Variants in FARS2 observed in about 807,000 individuals in gnomAD.
FARS2 encodes phenylalanine--tRNA ligase, mitochondrial.
Under a neutral mutation model 46.4 loss-of-function variants are expected in FARS2, and 40 were observed. The ratio of observed to expected loss-of-function variants is 0.86; its 90% confidence interval spans 0.67 to 1.12. FARS2 has a LOEUF of 1.12. Among genes scored for constraint, FARS2 ranks in the 50% most tolerant of loss-of-function variants. FARS2 has a pLI of 0.00. For missense variants in FARS2, 513 were observed against 567.9 expected, an observed-to-expected ratio of 0.90 and a Z score of 0.98; for synonymous variants, 234 against 214.9, an observed-to-expected ratio of 1.09 and a Z score of -0.78.
intron 1 of FARS2, among the ~76,000 whole-genome samples, chr6:5,299,205 C>T (rs907466115): frequency 2.0e-5 from 3 of 152,232 alleles, no homozygotes; most frequent in Non-Finnish European, 4.4e-5. Context: ...ACTATGTAGA[C>T]ATCTGTGCTG....
chr6:5,426,010 G>C (rs910174001), intron 3 of FARS2, among the ~76,000 whole-genome samples: 3 of 152,016 alleles, frequency 2.0e-5, no homozygotes, highest in Admixed American at 6.6e-5. Context: ...GCTGAGGCTT[G>C]AACCCAGGTG....
At chr6:5,753,729 A>G (rs1762067601) in intron 6 of FARS2, among the ~76,000 whole-genome samples, 1 of 152,200 alleles carries the variant, frequency 6.6e-6, no homozygotes, top group Non-Finnish European at 1.5e-5. Flanking sequence ...GACAAAACCA[A>G]ACAGGATCAT....
intron 6 of FARS2, among the ~76,000 whole-genome samples, chr6:5,653,448 G>C (rs1229151939): frequency 6.6e-6 from 1 of 152,202 alleles, no homozygotes; most frequent in Non-Finnish European, 1.5e-5. Context: ...TACATGGAAG[G>C]CGTTGGACCA....
intron 6 of FARS2, among the ~76,000 whole-genome samples, chr6:5,715,436 C>G (rs993957542): frequency 8.5e-5 from 13 of 152,330 alleles, no homozygotes; most frequent in African/African-American, 3.1e-4. Flanking sequence ...CCCAAGACCC[C>G]TCAGCAATCA....
At chr6:5,443,644 G>A (rs1285330130) in intron 4 of FARS2, among the ~76,000 whole-genome samples, 1 of 152,304 alleles carries the variant, frequency 6.6e-6, no homozygotes, top group Non-Finnish European at 1.5e-5. Context: ...CAACCTCAGG[G>A]CCTGGAGCCC....
intron 6 of FARS2, among the ~76,000 whole-genome samples, chr6:5,670,750 GCA>G (rs1778412447): frequency 6.6e-6 from 1 of 151,930 alleles, no homozygotes; most frequent in Non-Finnish European, 1.5e-5. Flanking sequence ...TTTTAAATAA[GCA>G]CACTTTTTAA....
At chr6:5,595,395 C>T (rs1774143286) in intron 5 of FARS2, among the ~76,000 whole-genome samples, 1 of 152,194 alleles carries the variant, frequency 6.6e-6, no homozygotes, top group Non-Finnish European at 1.5e-5. Context: ...CTTCTGTCGG[C>T]ATTCTCTGAT....
chr6:5,493,963 C>T (rs989141742), intron 4 of FARS2, among the ~76,000 whole-genome samples: 1 of 152,136 alleles, frequency 6.6e-6, no homozygotes, highest in Non-Finnish European at 1.5e-5. Context: ...ACACAGTGGA[C>T]AGTGTCATGT....
intron 1 of FARS2, among the ~76,000 whole-genome samples, chr6:5,279,686 T>TG (rs1180149672): frequency 5.9e-5 from 9 of 151,842 alleles, no homozygotes. Flanking sequence ...ACCGAAGACC[T>TG]GAGAACCAGG....
intron 6 of FARS2, among the ~76,000 whole-genome samples, chr6:5,751,227 C>T (rs768720260): frequency 6.6e-6 from 1 of 152,088 alleles, no homozygotes; most frequent in Non-Finnish European, 1.5e-5. Flanking sequence ...GAAGGAAAGC[C>T]ATGAGTAGCC....
At chr6:5,687,312 T>C (rs1201191680) in intron 6 of FARS2, among the ~76,000 whole-genome samples, 3 of 152,248 alleles carry the variant, frequency 2.0e-5, no homozygotes, top group Admixed American at 2.0e-4. Context: ...GGTTTTCTTC[T>C]AGGGTTTTTA....
chr6:5,595,130 C>T (rs980211686), intron 5 of FARS2, among the ~76,000 whole-genome samples: 1 of 152,150 alleles, frequency 6.6e-6, no homozygotes, highest in Non-Finnish European at 1.5e-5. Context: ...AGAGCAAAGC[C>T]GAAGGTCCTT....
chr6:5,697,672 A>G (rs1758187186), intron 6 of FARS2, among the ~76,000 whole-genome samples: 1 of 152,236 alleles, frequency 6.6e-6, no homozygotes, highest in Admixed American at 6.5e-5. Flanking sequence ...ACTAAAATTG[A>G]TGATTCACCT....
At chr6:5,583,803 G>A (rs1323290426) in intron 5 of FARS2, among the ~76,000 whole-genome samples, 1 of 152,168 alleles carries the variant, frequency 6.6e-6, no homozygotes, top group African/African-American at 2.4e-5. Context: ...GTTCCTGAAT[G>A]TGATAACCCT....
At chr6:5,378,290 G>A (rs1467756069) in intron 2 of FARS2, among the ~76,000 whole-genome samples, 2 of 151,952 alleles carry the variant, frequency 1.3e-5, no homozygotes, top group Non-Finnish European at 2.9e-5. Context: ...TGGGTGAGGG[G>A]CTCCTTCCAC....
intron 5 of FARS2, among the ~76,000 whole-genome samples, chr6:5,582,475 A>T (rs1259736603): frequency 6.6e-6 from 1 of 152,268 alleles, no homozygotes; most frequent in Non-Finnish European, 1.5e-5. Flanking sequence ...AAGTACGAAG[A>T]GTGTCCCATT....
chr6:5,545,470 C>T (rs1402327458), intron 5 of FARS2, 130 bp downstream of exon 5: 8 of 704,004 alleles, frequency 1.1e-5, no homozygotes, highest in African/African-American at 3.6e-5. Context: ...ACTTTAAGTT[C>T]TGGGATACAT....
chr6:5,423,806 A>G (rs914053550), intron 3 of FARS2, among the ~76,000 whole-genome samples: 1 of 152,166 alleles, frequency 6.6e-6, no homozygotes, highest in African/African-American at 2.4e-5. Flanking sequence ...TGGCGCTCTT[A>G]AAGAGTCACA....
At chr6:5,432,527 A>ATT (rs70975907) in intron 4 of FARS2, among the ~76,000 whole-genome samples, 2,382 of 49,388 alleles carry the variant, frequency 0.048, 45 homozygotes, top group South Asian at 0.16. Context: ...ATATATATAT[A>ATT]TTTTTTTTTT....
Sources: allele counts gnomAD v4.1 joint callset (sites outside exome capture counted in the v4.1 genomes callset), GRCh38; gene constraint gnomAD v4.1.1; transcripts MANE v1.5; gene names NCBI Gene and HGNC (gene_info 2026-07-23, HGNC 2026-07-21).